The following KCTD16 variants were observed in gnomAD, a reference collection of about 807,000 sequenced individuals.
The protein encoded by KCTD16 is potassium channel tetramerization domain containing 16, also known as BTB/POZ domain-containing protein KCTD16.
A neutral mutation model predicts 33.2 loss-of-function variants in KCTD16; 13 were observed. The observed-to-expected ratio is 0.39, with a 90% CI of 0.25 to 0.62. The LOEUF (loss-of-function observed/expected upper bound fraction) is 0.62, where lower values mean the gene tolerates loss of function less well. Among genes scored for constraint, KCTD16 ranks in the 20% least tolerant of loss-of-function variants. KCTD16 has a pLI of 0.50. For missense variants in KCTD16, 441 were observed against 525.1 expected (o/e 0.84, Z 1.57); for synonymous variants, 197 against 195.3 (o/e 1.01, Z -0.07).
chr5:144,459,476 C>T (rs1392917861), intron 3 of KCTD16, among the ~76,000 whole-genome samples: 3 of 151,908 alleles, frequency 2.0e-5, no homozygotes, highest in East Asian at 1.9e-4. Flanking sequence ...CTCAGCCTCC[C>T]GAGTAGTTGG....
chr5:144,251,838 A>T (rs1754709228), intron 3 of KCTD16, among the ~76,000 whole-genome samples: 1 of 152,306 alleles, frequency 6.6e-6, no homozygotes, highest in East Asian at 1.9e-4. Flanking sequence ...GTTTTTCATA[A>T]GTTGAATATC....
chr5:144,297,636 G>A (rs1450300421), intron 3 of KCTD16, among the ~76,000 whole-genome samples: 1 of 152,140 alleles, frequency 6.6e-6, no homozygotes, highest in Non-Finnish European at 1.5e-5. Flanking sequence ...AGCCTAGCTG[G>A]GAAGGTGATC....
chr5:144,196,423 T>C (rs1752940560), intron 2 of KCTD16, among the ~76,000 whole-genome samples: 1 of 152,178 alleles, frequency 6.6e-6, no homozygotes, highest in African/African-American at 2.4e-5. Flanking sequence ...GAAGGTATTT[T>C]ATTACTGTCT....
chr5:144,385,560 A>G (rs1201007734), intron 3 of KCTD16, among the ~76,000 whole-genome samples: 2 of 152,114 alleles, frequency 1.3e-5, no homozygotes, highest in Admixed American at 6.5e-5. Context: ...TTGTCACTCC[A>G]TTACTATAGG....
At chr5:144,447,789 T>C (rs2126982283) in intron 3 of KCTD16, among the ~76,000 whole-genome samples, 1 of 152,272 alleles carries the variant, frequency 6.6e-6, no homozygotes, top group Middle Eastern at 3.4e-3. Context: ...TTATTTTATT[T>C]ACTATTATCT....
chr5:144,326,504 T>C (rs567781513), intron 3 of KCTD16, among the ~76,000 whole-genome samples: 1 of 152,302 alleles, frequency 6.6e-6, no homozygotes, highest in East Asian at 1.9e-4. Context: ...ATCTGTGCAA[T>C]TCAAAGTATT....
chr5:144,398,181 G>A (rs763242001), intron 3 of KCTD16, among the ~76,000 whole-genome samples: 65 of 152,290 alleles, frequency 4.3e-4, no homozygotes, highest in South Asian at 8.3e-4. Flanking sequence ...ACCTATTAAT[G>A]ATGCCTTGCT....
chr5:144,212,306 A>G (rs184634041), intron 3 of KCTD16, among the ~76,000 whole-genome samples: 2 of 152,272 alleles, frequency 1.3e-5, no homozygotes, highest in Admixed American at 1.3e-4. Flanking sequence ...TTTCACTTCT[A>G]TGCCAAGCAA....
chr5:144,435,420 T>C (rs1753553982), intron 3 of KCTD16, among the ~76,000 whole-genome samples: 1 of 152,252 alleles, frequency 6.6e-6, no homozygotes, highest in Admixed American at 6.5e-5. Flanking sequence ...CAGTTTATCA[T>C]GAATATCACT....
At chr5:144,258,699 T>G (rs1754917091) in intron 3 of KCTD16, among the ~76,000 whole-genome samples, 1 of 152,254 alleles carries the variant, frequency 6.6e-6, no homozygotes, top group Non-Finnish European at 1.5e-5. Context: ...ATACAAAAAT[T>G]GCTCATTTCT....
At chr5:144,465,780 TTTTTTG>T (rs1350634199) in intron 3 of KCTD16, among the ~76,000 whole-genome samples, 5 of 51,076 alleles carry the variant, frequency 9.8e-5, no homozygotes, top group South Asian at 1.1e-3. Flanking sequence ...CAAATTTAAC[TTTTTTG>T]TTTTTTTTTT....
At chr5:144,334,844 T>C (rs1752443050) in intron 3 of KCTD16, among the ~76,000 whole-genome samples, 1 of 152,144 alleles carries the variant, frequency 6.6e-6, no homozygotes, top group Admixed American at 6.6e-5. Flanking sequence ...TGGTGCAGTC[T>C]TGGCTCACTG....
intron 3 of KCTD16, among the ~76,000 whole-genome samples, chr5:144,379,428 G>A (rs1445096757): frequency 6.6e-6 from 1 of 152,134 alleles, no homozygotes; most frequent in Non-Finnish European, 1.5e-5. Flanking sequence ...TAAGCTTTGT[G>A]ACTATAGGGA....
chr5:144,428,400 G>C (rs1753382487), intron 3 of KCTD16, among the ~76,000 whole-genome samples: 1 of 151,956 alleles, frequency 6.6e-6, no homozygotes, highest in South Asian at 2.1e-4. Context: ...TTTAGACAGG[G>C]GAATTTTCTG....
chr5:144,429,984 G>T (rs1753421907), intron 3 of KCTD16, among the ~76,000 whole-genome samples: 1 of 152,068 alleles, frequency 6.6e-6, no homozygotes, highest in African/African-American at 2.4e-5. Flanking sequence ...GATAGGCCTA[G>T]CTTTTTATAG....
Position 144,313,486 on chromosome 5 carries a change from G to A in KCTD16, c.832+105940G>A, listed in dbSNP as rs549501843. ...CATGAAAATACTAAAATATTGTAAG[G>A]TTTTGTTATCAGAGAGTAGATTAAA... On this transcript the variant is annotated intron_variant, in intron 3 of 3. Transcript: ENST00000512467. Among the ~76,000 whole-genome samples the A allele has an allele frequency of 4.6e-5, 7 of 152,242 alleles. No individual in the cohort carries two copies. In the South Asian group the frequency reaches 1.5e-3, roughly 32 times the overall value.
intron 3 of KCTD16, among the ~76,000 whole-genome samples, chr5:144,240,257 C>T (rs1754365336): frequency 6.6e-6 from 1 of 152,116 alleles, no homozygotes; most frequent in African/African-American, 2.4e-5. Flanking sequence ...TCTGGAATCT[C>T]CTGAGGAATC....
intron 3 of KCTD16, among the ~76,000 whole-genome samples, chr5:144,411,034 G>T (rs1752920673): frequency 6.6e-6 from 1 of 152,072 alleles, no homozygotes. Context: ...TGAAAACATA[G>T]AAGAGGATGC....
chr5:144,353,824 A>T (rs746968340), intron 3 of KCTD16, among the ~76,000 whole-genome samples: 42 of 152,168 alleles, frequency 2.8e-4, no homozygotes, highest in Admixed American at 2.5e-3. Context: ...TTATTTGAAT[A>T]TAACATGGAA....
Sources: gnomAD v4.1 joint callset for allele counts (sites outside exome capture counted in the v4.1 genomes callset) on GRCh38, gnomAD v4.1.1 for gene constraint, MANE v1.5 for transcripts, NCBI Gene and HGNC (gene_info 2026-07-23, HGNC 2026-07-21) for gene names.